Variants in KHDRBS2 observed in about 807,000 individuals in gnomAD.
KHDRBS2 encodes the protein KH domain-containing, RNA-binding, signal transduction-associated protein 2.
A neutral mutation model predicts 44.3 loss-of-function variants in KHDRBS2; 26 were observed. The observed-to-expected ratio is 0.59, with a 90% CI of 0.43 to 0.81. The LOEUF is 0.81. Among genes scored for constraint, KHDRBS2 ranks in the 40% least tolerant of loss-of-function variants. KHDRBS2 has a pLI of 0.00. For missense variants in KHDRBS2, 476 were observed against 433.1 expected, an observed-to-expected ratio of 1.10 and a Z score of -0.88; for synonymous variants, 194 against 151.1, an observed-to-expected ratio of 1.28 and a Z score of -2.08.
intron 7 of KHDRBS2, among the ~76,000 whole-genome samples, chr6:61,710,280 T>C (rs1770285757): frequency 6.6e-6 from 1 of 151,768 alleles, no homozygotes. Context: ...AGAAGCATTA[T>C]AAAGCCTGCT....
At position 62,107,546 on chromosome 6, in the gene KHDRBS2, C is replaced by T. The variant is rs566107115; in HGVS notation, c.220-59552G>A. 1.1e-3 allele frequency among the ~76,000 whole-genome samples: 162 copies of T among 152,222 alleles called. 1 individual carries two copies. Among genetic ancestry groups the T allele is most frequent in the African/African-American group, 3.7e-3 (152 of 41,534 alleles). On this transcript the variant is annotated intron_variant, in intron 2 of 8. Transcript: ENST00000281156. ...AAGAAATTTATAGATTCAATGCCAT[C>T]CCCATCAAGCTACCAATGACTTTCT...
intron 5 of KHDRBS2, among the ~76,000 whole-genome samples, chr6:61,895,730 C>A (rs1035422393): frequency 6.6e-6 from 1 of 151,952 alleles, no homozygotes; most frequent in East Asian, 1.9e-4. Flanking sequence ...GAAAGGTTGG[C>A]CTCTAGATAG....
At chr6:62,010,336 C>A (rs1562636160) in intron 3 of KHDRBS2, among the ~76,000 whole-genome samples, 1 of 152,166 alleles carries the variant, frequency 6.6e-6, no homozygotes, top group Non-Finnish European at 1.5e-5. Flanking sequence ...TATTAAGTAA[C>A]TAACTTGCTT....
At chr6:61,884,545 G>A (rs1800647928) in intron 6 of KHDRBS2, among the ~76,000 whole-genome samples, 2 of 151,956 alleles carry the variant, frequency 1.3e-5, no homozygotes, top group Non-Finnish European at 2.9e-5. Context: ...TTTTTAAAAA[G>A]CTACACCAAC....
chr6:61,995,884 G>C (rs924378009), intron 3 of KHDRBS2, among the ~76,000 whole-genome samples: 1 of 152,056 alleles, frequency 6.6e-6, no homozygotes, highest in Non-Finnish European at 1.5e-5. Flanking sequence ...TGTCTTTTAA[G>C]TATTATCTTA....
intron 7 of KHDRBS2, among the ~76,000 whole-genome samples, chr6:61,731,143 A>G (rs561204494): frequency 8.5e-5 from 13 of 152,220 alleles, no homozygotes; most frequent in Non-Finnish European, 1.5e-4. Flanking sequence ...TTATGTGCTA[A>G]TGTATAATGA....
the KHDRBS2 span, among the ~76,000 whole-genome samples, chr6:61,560,318 T>C: frequency 2.6e-5 from 4 of 152,302 alleles, no homozygotes; most frequent in East Asian, 7.7e-4. Flanking sequence ...TGGTGTCCAA[T>C]CAACTTCCTT....
intron 3 of KHDRBS2, among the ~76,000 whole-genome samples, chr6:61,992,349 A>C (rs904665672): frequency 1.3e-5 from 2 of 152,170 alleles, no homozygotes; most frequent in African/African-American, 4.8e-5. Context: ...CTTAGAAATT[A>C]CCATCCTCTT....
At chr6:61,890,398 T>C (rs1405363304) in intron 6 of KHDRBS2, among the ~76,000 whole-genome samples, 1 of 152,230 alleles carries the variant, frequency 6.6e-6, no homozygotes, top group Non-Finnish European at 1.5e-5. Flanking sequence ...TTTATGCTTT[T>C]GTTGATTACT....
At position 61,894,826 on chromosome 6, in the gene KHDRBS2, C is replaced by T. The variant is rs1161932642; in HGVS notation, c.619G>A (p.Gly207Arg). ...IAPTAPSRGR[G>R]GAIPPPPPPG... ...GGTGGGGGAGGAGGAATGGCACCCC[C>T]ACGGCCCCTAAGAGAAACAAGTCAT... Residue 207 changes from glycine to arginine, a missense_variant, in exon 6 of 9, where the codon GGG (glycine) becomes AGG (arginine). Transcript: ENST00000281156. 1.9e-6 allele frequency: 3 copies of T among 1,611,624 alleles called. No individual in the cohort carries two copies. Among genetic ancestry groups the T allele is most frequent in the Non-Finnish European group, 2.5e-6 (3 of 1,179,196 alleles).
chr6:61,929,357 A>C (rs1809585521), intron 4 of KHDRBS2, among the ~76,000 whole-genome samples: 2 of 152,236 alleles, frequency 1.3e-5, no homozygotes. Flanking sequence ...GGTGTGATAG[A>C]GGCCAAAATT....
chr6:61,682,042 T>A (rs1274240928), intron 8 of KHDRBS2, among the ~76,000 whole-genome samples: 1 of 151,958 alleles, frequency 6.6e-6, no homozygotes, highest in East Asian at 2.0e-4. Context: ...CGCATAGATA[T>A]TGATAATTGA....
chr6:61,686,878 T>G (rs1766871229), intron 8 of KHDRBS2, among the ~76,000 whole-genome samples: 1 of 151,454 alleles, frequency 6.6e-6, no homozygotes, highest in Non-Finnish European at 1.5e-5. Context: ...TTAGTGTTGA[T>G]TCCAACAACA....
intron 6 of KHDRBS2, among the ~76,000 whole-genome samples, chr6:61,735,658 T>C (rs912936949): frequency 2.9e-4 from 44 of 152,192 alleles, no homozygotes; most frequent in Non-Finnish European, 1.5e-4. Context: ...TTCCACATTC[T>C]GCATTTGCCT....
the KHDRBS2 span, among the ~76,000 whole-genome samples, chr6:61,610,791 T>C: frequency 1.3e-5 from 2 of 152,200 alleles, no homozygotes; most frequent in African/African-American, 4.8e-5. Flanking sequence ...ACAACCCTTA[T>C]TCAAGAGGAG....
At chr6:61,673,404 G>C in the KHDRBS2 span, among the ~76,000 whole-genome samples, 1 of 151,748 alleles carries the variant, frequency 6.6e-6, no homozygotes, top group African/African-American at 2.4e-5. Context: ...ATTCAACATA[G>C]TGTTGGAAGT....
At chr6:62,223,996 A>C (rs1483884953) in intron 1 of KHDRBS2, among the ~76,000 whole-genome samples, 1 of 152,110 alleles carries the variant, frequency 6.6e-6, no homozygotes, top group African/African-American at 2.4e-5. Flanking sequence ...AGCTGCTTCC[A>C]CATTTTTGGG....
rs192818627 is a variant in KHDRBS2, at chr6:62,081,419, C to T, written c.220-33425G>A. On this transcript the variant is annotated intron_variant, in intron 2 of 8. Transcript: ENST00000281156. The stretch of plus-strand genomic sequence containing the variant: ...ATTTTTCAATGGGAAAATTAAATTT[C>T]TTGAGTATTAAAGTTGTGTCTAAAC... Among the ~76,000 whole-genome samples, 5 of 152,208 alleles carry T rather than the reference C, an allele frequency of 3.3e-5. No homozygotes were observed. In the East Asian group the frequency reaches 9.7e-4, roughly 29 times the overall value.
chr6:61,965,137 TC>T lies in KHDRBS2; in HGVS notation c.483+12928del, dbSNP rs536834756. ...AAAAATTAAAAGGGAAATGCTAAAT[TC>T]CAGTGACAAGAGTCCAGAGAGTTTC... On this transcript the variant is annotated intron_variant, in intron 4 of 8. Transcript: ENST00000281156. Among the ~76,000 whole-genome samples the T allele has an allele frequency of 3.3e-5, 5 of 152,118 alleles. No individual in the cohort carries two copies. The South Asian group carries it at 1.0e-3, about 32-fold the overall frequency.
Sources: allele counts gnomAD v4.1 joint callset (sites outside exome capture counted in the v4.1 genomes callset), GRCh38; gene constraint gnomAD v4.1.1; transcripts MANE v1.5; gene names NCBI Gene and HGNC (gene_info 2026-07-23, HGNC 2026-07-21).